GMEB2: variants seen among roughly 807,000 people sequenced by gnomAD.
GMEB2 encodes glucocorticoid modulatory element binding protein 2.
A neutral mutation model predicts 45.7 loss-of-function variants in GMEB2; 7 were observed. That is an observed-to-expected ratio of 0.15 (90% CI 0.09 to 0.29). GMEB2 has a LOEUF of 0.29. Among genes scored for constraint, GMEB2 ranks in the 10% least tolerant of loss-of-function variants. The pLI is 1.00. For missense variants in GMEB2, 582 were observed against 739.2 expected (o/e 0.79, Z 2.47); for synonymous variants, 322 against 323.6 (o/e 1.00, Z 0.05).
At chr20:63,614,450 G>C (rs917234097) in intron 2 of GMEB2, among the ~76,000 whole-genome samples, 2 of 152,226 alleles carry the variant, frequency 1.3e-5, no homozygotes, top group Non-Finnish European at 2.9e-5. Flanking sequence ...CCGTTGCCAA[G>C]TGGACCGTGG....
rs761534713 is a variant in GMEB2 at position 63,592,482 on chromosome 20, CAG to C, written c.829+49_829+50del. ...GGAGGGCCAGTGGCCTCACCTCCTG[CAG>C]AGACTCCTGGGCTGAGTAGCCAGCA... On this transcript the variant is annotated intron_variant, in intron 8 of 9. Coordinates refer to ENST00000370077, the MANE Select transcript of GMEB2 (RefSeq NM_012384.5). This position sits in a 1 kb window ranked among gnomAD's most constrained non-coding sequence, Gnocchi z 8.2. 12 of 1,495,766 alleles carry C rather than the reference CAG, an allele frequency of 8.0e-6. No individual in the cohort carries two copies. Among genetic ancestry groups the C allele is most frequent in the Non-Finnish European group, 9.2e-6 (10 of 1,086,106 alleles). The allele number at this position is 1,495,766 out of a possible 1,614,324, so 92.7% of individuals were successfully genotyped here. A position where few individuals can be genotyped will look rare whatever the true frequency, so the allele number is the denominator to read the frequency against.
chr20:63,604,882 G>GAGGGCACAACCTGC (rs1250739547), intron 2 of GMEB2, 42 bp from the exon 3 acceptor site: 1 of 1,133,858 alleles, frequency 8.8e-7, no homozygotes, highest in Non-Finnish European at 1.3e-6. Flanking sequence ...CAGGATCCCG[G>GAGGGCACAACCTGC]AGGGCACAAC....
At position 63,593,075 on chromosome 20, in the gene GMEB2, C is replaced by A. The variant is rs760657037; in HGVS notation, c.627G>T (p.Gly209=). The A allele has an allele frequency of 6.2e-7, 1 of 1,609,266 alleles. No individual in the cohort carries two copies. The highest frequency in any genetic ancestry group is 8.5e-7 in the Non-Finnish European group (1 of 1,176,516). The part of the protein sequence containing the change: ...PLTPAAADVN[G]SPATITIETC... ...TCTCTATGGTGATGGTCGCAGGAGA[C>A]CCATTCACTGCAGCCGAAAGGGAAC... is the stretch of plus-strand genomic sequence containing the variant. The change falls in exon 7 of 10, where the codon GGG becomes GGT. Residue 209 remains glycine, a synonymous_variant. Transcript: ENST00000370077. This position sits in a 1 kb window ranked among gnomAD's most constrained non-coding sequence, Gnocchi z 4.7.
intron 1 of GMEB2, among the ~76,000 whole-genome samples, chr20:63,622,837 G>A (rs1224889742): frequency 6.6e-6 from 1 of 152,216 alleles, no homozygotes; most frequent in Non-Finnish European, 1.5e-5. Flanking sequence ...TCAAAGAAAA[G>A]GAAGCAAAAA....
At position 63,626,985 on chromosome 20, in the gene GMEB2, C is replaced by T; in HGVS notation, c.-87G>A. 1 of 148,158 alleles carries T rather than the reference C, an allele frequency of 6.7e-6. No homozygotes were observed. Among genetic ancestry groups the T allele is most frequent in the Non-Finnish European group, 1.5e-5 (1 of 66,928 alleles). The allele number at this position is 148,158 out of a possible 1,614,324, so 9.2% of individuals were successfully genotyped here. A position where few individuals can be genotyped will look rare whatever the true frequency, so the allele number is the denominator to read the frequency against. ...GGCCGCGCCGGGCCTGCTTAGGCAC[C>T]CGGCGGGGGCGGCGGCGTCGGGAGC... On this transcript the variant is annotated 5_prime_UTR_variant, in exon 1 of 10. Transcript: ENST00000370077.
At chr20:63,612,371 G>A (rs531343111) in intron 2 of GMEB2, among the ~76,000 whole-genome samples, 64 of 152,256 alleles carry the variant, frequency 4.2e-4, no homozygotes, top group African/African-American at 1.5e-3. Flanking sequence ...GCTCAGTAGG[G>A]GAGGGGAAGT....
chr20:63,611,813 T>C (rs1419847996), intron 2 of GMEB2, among the ~76,000 whole-genome samples: 2 of 150,646 alleles, frequency 1.3e-5, no homozygotes, highest in African/African-American at 4.9e-5. Context: ...AGTCCAGGAG[T>C]TCAAGACTAG....
chr20:63,592,559 A>G lies in GMEB2; in HGVS notation c.803T>C (p.Val268Ala). ...TCGAAGCTGCAGGGGAGGGTCCTGG[A>G]CCCGCTGCTGCAGGCCTCTCATGGT... ...VETMRGLQQR[V>A]QDPPLQLRDA... Residue 268 changes from valine (V) to alanine (A), a missense_variant, in exon 8 of 10, where the codon GTC becomes GCC. By Grantham distance (64) the Val-to-Ala change is moderately conservative. This residue lies in a region of GMEB2 where 462 missense variants were observed against 586.7 expected (regional missense o/e 0.79). Transcript: ENST00000370077. This position sits in a 1 kb window ranked among gnomAD's most constrained non-coding sequence, Gnocchi z 8.2. The G allele has an allele frequency of 6.2e-7, 1 of 1,612,462 alleles. No individual in the cohort carries two copies. Among genetic ancestry groups the G allele is most frequent in the Non-Finnish European group, 8.5e-7 (1 of 1,178,892 alleles).
chr20:63,605,694 C>T (rs2089513451), intron 2 of GMEB2, among the ~76,000 whole-genome samples: 1 of 151,872 alleles, frequency 6.6e-6, no homozygotes, highest in Non-Finnish European at 1.5e-5. Context: ...GTGGCTCACG[C>T]CTGTAATCCC....
intron 2 of GMEB2, among the ~76,000 whole-genome samples, chr20:63,607,116 G>A (rs1460472609): frequency 1.4e-5 from 2 of 145,430 alleles, no homozygotes; most frequent in South Asian, 2.2e-4. Flanking sequence ...TCCATTTCTA[G>A]AAACATGCAC....
At chr20:63,600,246 T>C (rs1166369739) in intron 4 of GMEB2, among the ~76,000 whole-genome samples, 1 of 151,328 alleles carries the variant, frequency 6.6e-6, no homozygotes, top group Non-Finnish European at 1.5e-5. Flanking sequence ...GGTTTCACCA[T>C]GTTGGCTGCG....
intron 5 of GMEB2, among the ~76,000 whole-genome samples, chr20:63,596,895 G>A (rs1282340029): frequency 6.6e-6 from 1 of 152,098 alleles, no homozygotes; most frequent in Non-Finnish European, 1.5e-5. Context: ...GCGAGCACCT[G>A]TAAACCCAGC....
At chr20:63,609,379 G>C (rs2089549181) in intron 2 of GMEB2, among the ~76,000 whole-genome samples, 1 of 113,074 alleles carries the variant, frequency 8.8e-6, no homozygotes, top group Non-Finnish European at 1.8e-5. Context: ...ATGCCCCTCT[G>C]ACCTCACCTC....
At chr20:63,597,917 C>T (rs1401530834) in intron 4 of GMEB2, 57 bp from the exon 5 acceptor site, 1 of 964,730 alleles carries the variant, frequency 1.0e-6, no homozygotes, top group African/African-American at 1.6e-5. Context: ...ATAGGGTGCC[C>T]CCATCTCCCA....
At chr20:63,626,693 T>G (rs1245756417) in intron 1 of GMEB2, among the ~76,000 whole-genome samples, 5 of 150,636 alleles carry the variant, frequency 3.3e-5, no homozygotes, top group East Asian at 2.0e-4. Flanking sequence ...AGGAGGCCGC[T>G]GGAGGCCGAG....
chr20:63,592,896 C>T lies in GMEB2; in HGVS notation c.691+115G>A. The stretch of plus-strand genomic sequence containing the variant: ...GCTGCTGGAACCAGGCCTTTCTCCA[C>T]AAAGACCCTGCCGGCCCCACCTGGA... On this transcript the variant is annotated intron_variant, in intron 7 of 9. Coordinates refer to ENST00000370077, the MANE Select transcript of GMEB2 (RefSeq NM_012384.5). This position sits in a 1 kb window ranked among gnomAD's most constrained non-coding sequence, Gnocchi z 8.2. 1 of 765,930 alleles carries T rather than the reference C, an allele frequency of 1.3e-6. No homozygotes were observed. Among genetic ancestry groups the T allele is most frequent in the Non-Finnish European group, 2.3e-6 (1 of 444,392 alleles). 47.4% of individuals were successfully genotyped at this position (765,930 alleles called of 1,614,324 possible). A position where few individuals can be genotyped will look rare whatever the true frequency, so the allele number is the denominator to read the frequency against.
intron 5 of GMEB2, among the ~76,000 whole-genome samples, chr20:63,596,739 C>T (rs529991337): frequency 7.2e-5 from 11 of 152,336 alleles, no homozygotes; most frequent in Non-Finnish European, 1.5e-4. Context: ...AAGTGAAGGC[C>T]GGGCACGGTG....
chr20:63,600,909 A>T (rs2083237182), intron 4 of GMEB2, among the ~76,000 whole-genome samples: 2 of 152,110 alleles, frequency 1.3e-5, no homozygotes, highest in Admixed American at 6.5e-5. Context: ...TCACTGCATC[A>T]GGAGGCTCAA....
chr20:63,606,645 C>A (rs2089521854), intron 2 of GMEB2, among the ~76,000 whole-genome samples: 1 of 152,116 alleles, frequency 6.6e-6, no homozygotes, highest in Non-Finnish European at 1.5e-5. Context: ...CTGCGCCCAG[C>A]CACCACAAAC....
Sources: allele counts gnomAD v4.1 joint callset (sites outside exome capture counted in the v4.1 genomes callset), GRCh38; gene constraint gnomAD v4.1.1; regional missense constraint gnomAD v4.1.1; non-coding constraint Gnocchi (gnomAD v3.1); transcripts MANE v1.5; gene names NCBI Gene and HGNC (gene_info 2026-07-23, HGNC 2026-07-21).